SAMMSON: variants seen among roughly 807,000 people sequenced by gnomAD.
SAMMSON encodes the protein survival associated mitochondrial melanoma specific oncogenic non-coding RNA.
intron 9 of SAMMSON, among the ~76,000 whole-genome samples, chr3:70,368,557 G>A (rs1207161166): frequency 3.3e-5 from 5 of 151,530 alleles, no homozygotes; most frequent in Admixed American, 3.3e-4. Flanking sequence ...TTGTGTAAAG[G>A]TAAAATCTGT....
chr3:70,259,216 C>A (rs763209106), intron 6 of SAMMSON, among the ~76,000 whole-genome samples: 1 of 152,122 alleles, frequency 6.6e-6, no homozygotes, highest in Admixed American at 6.6e-5. Flanking sequence ...ACATTCTATT[C>A]ATAGTCTATG....
intron 1 of SAMMSON, among the ~76,000 whole-genome samples, chr3:70,010,139 T>C (rs1576094186): frequency 6.6e-6 from 1 of 152,146 alleles, no homozygotes; most frequent in African/African-American, 2.4e-5. Flanking sequence ...GAGAGTTCTG[T>C]AGATGTCTAT....
At chr3:70,261,972 T>C (rs1396477238) in intron 6 of SAMMSON, among the ~76,000 whole-genome samples, 2 of 152,174 alleles carry the variant, frequency 1.3e-5, no homozygotes, top group Non-Finnish European at 2.9e-5. Context: ...CACTTCTGCA[T>C]ACCAACCTGT....
intron 4 of SAMMSON, among the ~76,000 whole-genome samples, chr3:70,087,123 T>C (rs1014600405): frequency 3.9e-5 from 6 of 152,158 alleles, no homozygotes; most frequent in Admixed American, 6.5e-5. Context: ...GGATTCACTA[T>C]ATTGAAGTTC....
At chr3:70,330,773 C>A (rs762889421) in intron 7 of SAMMSON, among the ~76,000 whole-genome samples, 1 of 152,058 alleles carries the variant, frequency 6.6e-6, no homozygotes, top group East Asian at 1.9e-4. Flanking sequence ...TGTGAAATTG[C>A]CTCACATCTC....
chr3:70,199,988 G>T (rs1374771788), intron 4 of SAMMSON, among the ~76,000 whole-genome samples: 1 of 152,088 alleles, frequency 6.6e-6, no homozygotes, highest in Non-Finnish European at 1.5e-5. Flanking sequence ...TTTCTTTTAT[G>T]GATGGCTTCT....
intron 8 of SAMMSON, among the ~76,000 whole-genome samples, chr3:70,355,762 A>T (rs1312064286): frequency 6.6e-6 from 1 of 152,132 alleles, no homozygotes. Flanking sequence ...TCCACTGAAC[A>T]CTCAGCATAA....
chr3:70,367,628 G>A (rs1242435998), intron 9 of SAMMSON, among the ~76,000 whole-genome samples: 1 of 151,402 alleles, frequency 6.6e-6, no homozygotes, highest in Non-Finnish European at 1.5e-5. Context: ...TTCATCTGTT[G>A]ATGAACATTT....
chr3:70,092,550 G>T (rs2106648290), intron 4 of SAMMSON, among the ~76,000 whole-genome samples: 1 of 150,160 alleles, frequency 6.7e-6, no homozygotes, highest in East Asian at 2.0e-4. Context: ...ATTATTTCCT[G>T]CTTTGTACTG....
chr3:70,102,619 C>T (rs1357099474), intron 4 of SAMMSON, among the ~76,000 whole-genome samples: 1 of 152,092 alleles, frequency 6.6e-6, no homozygotes, highest in Non-Finnish European at 1.5e-5. Context: ...GTAAGGTAAA[C>T]TGGGTAAAGG....
chr3:70,026,006 T>A (rs1024858810), intron 3 of SAMMSON, among the ~76,000 whole-genome samples: 69 of 152,230 alleles, frequency 4.5e-4, no homozygotes, highest in African/African-American at 1.5e-3. Flanking sequence ...ACCCATGCAT[T>A]TCAAACCCAT....
Position 70,154,207 on chromosome 3 carries a change from A to G in SAMMSON, n.507+82642A>G, listed in dbSNP as rs1165520980. Among the ~76,000 whole-genome samples the G allele has an allele frequency of 3.9e-5, 6 of 152,000 alleles. No individual in the cohort carries two copies. The East Asian group carries it at 7.7e-4, about 20-fold the overall frequency. Reference sequence around the variant, plus strand: ...AAATCACTGTCCCATATCTTCAAGTATTATAATAATAGCAATACTATATAG... The same window carrying G: ...AAATCACTGTCCCATATCTTCAAGTGTTATAATAATAGCAATACTATATAG... On this transcript the variant is annotated intron_variant and non_coding_transcript_variant, in intron 4 of 9. Coordinates refer to ENST00000642114, the Ensembl canonical transcript of SAMMSON.
intron 4 of SAMMSON, among the ~76,000 whole-genome samples, chr3:70,185,293 A>C (rs2106707825): frequency 6.6e-6 from 1 of 152,306 alleles, no homozygotes; most frequent in Middle Eastern, 3.4e-3. Context: ...ATCCCATGGA[A>C]ATAAGAAAAA....
chr3:70,169,615 G>T (rs1262278080), intron 4 of SAMMSON, among the ~76,000 whole-genome samples: 1 of 150,544 alleles, frequency 6.6e-6, no homozygotes, highest in African/African-American at 2.4e-5. Context: ...AAAGATTTCA[G>T]GGAGAGTTTA....
chr3:70,044,883 CTTTAA>C (rs2067118307), intron 3 of SAMMSON, among the ~76,000 whole-genome samples: 1 of 143,900 alleles, frequency 6.9e-6, no homozygotes. Context: ...AAATAAAATA[CTTTAA>C]TTATATTAAA....
intron 2 of SAMMSON, among the ~76,000 whole-genome samples, chr3:70,429,340 C>T (rs1364516706): frequency 2.0e-5 from 3 of 152,038 alleles, no homozygotes; most frequent in African/African-American, 7.2e-5. Context: ...TGTTTTGGTA[C>T]CAGTACGATG....
At chr3:70,329,220 A>G (rs910648969) in intron 7 of SAMMSON, among the ~76,000 whole-genome samples, 2 of 152,156 alleles carry the variant, frequency 1.3e-5, no homozygotes, top group African/African-American at 4.8e-5. Context: ...TCTGAATAAA[A>G]GTGAAGGATT....
At chr3:70,292,820 C>T (rs55638688) in intron 7 of SAMMSON, among the ~76,000 whole-genome samples, 29,312 of 151,628 alleles carry the variant, frequency 0.19, 2,948 homozygotes, top group South Asian at 0.28. Context: ...ATAAAAATTG[C>T]AGTTTTGTTC....
intron 4 of SAMMSON, among the ~76,000 whole-genome samples, chr3:70,247,629 A>T (rs1701720016): frequency 6.6e-6 from 1 of 151,944 alleles, no homozygotes; most frequent in Non-Finnish European, 1.5e-5. Flanking sequence ...TAATCTTCAG[A>T]ATTTATGACT....
Sources: allele counts gnomAD v4.1 joint callset (sites outside exome capture counted in the v4.1 genomes callset), GRCh38; gene constraint gnomAD v4.1.1; transcripts MANE v1.5; gene names NCBI Gene and HGNC (gene_info 2026-07-23, HGNC 2026-07-21).